Variants in AKNA observed in about 807,000 individuals in gnomAD.
AKNA encodes microtubule organization protein AKNA.
In AKNA, 67 loss-of-function variants were observed where a neutral mutation model predicts 138.8. That is an observed-to-expected ratio of 0.48 (90% confidence interval 0.40 to 0.59). AKNA has a LOEUF of 0.59. Ranked by LOEUF, AKNA falls within the 20% of genes least tolerant of loss-of-function variation. The probability of loss-of-function intolerance (pLI) is 0.00; values close to 1 mark genes in which losing one functional copy is unlikely to be tolerated. For missense variants in AKNA, 1,813 were observed against 1,880.4 expected (o/e 0.96, Z 0.66); for synonymous variants, 737 against 754.4 (o/e 0.98, Z 0.38).
chr9:114,362,572 T>C lies in AKNA; in HGVS notation c.1789-39A>G, dbSNP rs116612317. 3,762 of 1,602,078 alleles carry C rather than the reference T, an allele frequency of 2.3e-3. 67 individuals carry two copies. The African/African-American group carries it at 0.043, about 18-fold the overall frequency. Reference sequence around the variant, plus strand: ...AGGCCAGGAAGACTTGAGTGCTCAGTCCCCGCGGGGCCTGTCCCTGAAGAC... The same window carrying C: ...AGGCCAGGAAGACTTGAGTGCTCAGCCCCCGCGGGGCCTGTCCCTGAAGAC... On this transcript the variant is annotated intron_variant, in intron 7 of 21. Coordinates refer to ENST00000374088, the MANE Select transcript of AKNA (RefSeq NM_001317950.2).
chr9:114,347,809 G>T lies in AKNA; in HGVS notation c.3313C>A (p.Arg1105Ser). ...GGGCGGTCAAAGGCAGATGCTGGGCGTGTCGGGCTGCCCTGGAGTGGCTGG... is the reference window on the plus strand; with the variant it reads ...GGGCGGTCAAAGGCAGATGCTGGGCTTGTCGGGCTGCCCTGGAGTGGCTGG... ...LHQPLQGSPT[R>S]PASAFDRPAR... The change falls in exon 16 of 22, where the codon CGC becomes AGC. Residue 1105 changes from arginine (R) to serine (S), a missense_variant. Arg to Ser is a moderately radical substitution (Grantham distance 110). Transcript: ENST00000374088. 6.4e-7 allele frequency: 1 copy of T among 1,551,780 alleles called. No individual in the cohort carries two copies.
chr9:114,344,068 C>CAAA (rs1830527712), intron 18 of AKNA: 1 of 340,996 alleles, frequency 2.9e-6, no homozygotes, highest in Non-Finnish European at 5.4e-6. Context: ...TATTCTGTTT[C>CAAA]ATCTCAGATC....
At position 114,347,808 on chromosome 9, in the gene AKNA, C is replaced by A. The variant is rs62640860; in HGVS notation, c.3314G>T (p.Arg1105Leu). 6.4e-7 allele frequency: 1 copy of A among 1,551,518 alleles called. No homozygotes were observed. Among genetic ancestry groups the A allele is most frequent in the Non-Finnish European group, 8.7e-7 (1 of 1,147,364 alleles). The change falls in exon 16 of 22, where the codon CGC becomes CTC. Residue 1105 changes from arginine to leucine, a missense_variant. Transcript: ENST00000374088. ...LHQPLQGSPT[R>L]PASAFDRPAR... is the part of the protein sequence containing the mutation. ...GGGGCGGTCAAAGGCAGATGCTGGGCGTGTCGGGCTGCCCTGGAGTGGCTG... is the reference window on the plus strand; with the variant it reads ...GGGGCGGTCAAAGGCAGATGCTGGGAGTGTCGGGCTGCCCTGGAGTGGCTG...
chr9:114,346,153 T>A (rs987580193), intron 17 of AKNA, 144 bp from the exon 18 acceptor site: 7 of 846,370 alleles, frequency 8.3e-6, no homozygotes, highest in Non-Finnish European at 1.1e-5. Context: ...ACAGCTGGCA[T>A]TTCCAGAACC....
chr9:114,331,200 A>G (rs1431779927), downstream of AKNA, among the ~76,000 whole-genome samples: 1 of 152,046 alleles, frequency 6.6e-6, no homozygotes, highest in Non-Finnish European at 1.5e-5. Context: ...TATGTTGGAG[A>G]GGTGGTACCT....
chr9:114,332,717 C>G (rs1239369773), downstream of AKNA, among the ~76,000 whole-genome samples: 1 of 152,096 alleles, frequency 6.6e-6, no homozygotes, highest in African/African-American at 2.4e-5. Context: ...TAGGGAGCCT[C>G]GAATGGGTCC....
upstream of AKNA, among the ~76,000 whole-genome samples, chr9:114,390,974 A>G (rs957251182): frequency 1.3e-5 from 2 of 152,216 alleles, no homozygotes; most frequent in Non-Finnish European, 2.9e-5. Context: ...TCTCATCATC[A>G]TATCCCCAGG....
chr9:114,330,619 C>A (rs202228078), downstream of AKNA: 5,241 of 1,605,888 alleles, frequency 3.3e-3, 43 homozygotes, highest in Middle Eastern at 0.011. Context: ...CAGCTTCTGG[C>A]CAGAAGACCT....
chr9:114,378,580 G>A (rs941800539), intron 2 of AKNA, among the ~76,000 whole-genome samples: 1 of 152,186 alleles, frequency 6.6e-6, no homozygotes, highest in African/African-American at 2.4e-5. Flanking sequence ...GAGGAAGAGA[G>A]GGAAGGAAGG....
Position 114,367,255 on chromosome 9 carries a change from C to T in AKNA, c.1728+288G>A, listed in dbSNP as rs16928475. On this transcript the variant is annotated intron_variant, in intron 6 of 21. Transcript: ENST00000374088. ...AATCCTGAAAGAGCTCAGAGTTTCCCGGGAGCCAGCCTAGAGACACTTCCA... is the reference window on the plus strand; with the variant it reads ...AATCCTGAAAGAGCTCAGAGTTTCCTGGGAGCCAGCCTAGAGACACTTCCA... 6.7e-3 allele frequency among the ~76,000 whole-genome samples: 1,013 copies of T among 152,130 alleles called. 18 individuals carry two copies. Among genetic ancestry groups the T allele is most frequent in the African/African-American group, 0.023 (942 of 41,500 alleles).
chr9:114,368,543 A>T lies in AKNA; in HGVS notation c.1469T>A (p.Met490Lys), dbSNP rs1832541806. The change falls in exon 5 of 22, where the codon ATG (methionine) becomes AAG (lysine). Residue 490 changes from methionine (M) to lysine (K), a missense_variant. Met to Lys is a moderately conservative substitution (Grantham distance 95). Transcript: ENST00000374088. Reference protein sequence around the residue: ...PQPNHSIHTGMVPQGTKVLSF... With the variant: ...PQPNHSIHTGKVPQGTKVLSF... ...CAAGACCTTGGTCCCCTGGGGCACCATTCCCGTGTGGATGCTGTGGTTGGG... is the reference window on the plus strand; with the variant it reads ...CAAGACCTTGGTCCCCTGGGGCACCTTTCCCGTGTGGATGCTGTGGTTGGG... 4.3e-6 allele frequency: 6 copies of T among 1,390,816 alleles called. No homozygotes were observed. Among genetic ancestry groups the T allele is most frequent in the Non-Finnish European group, 5.6e-6 (6 of 1,065,628 alleles). The allele number at this position is 1,390,816 out of a possible 1,614,324, so 86.2% of individuals were successfully genotyped here.
chr9:114,387,032 C>A (rs1045800607), intron 1 of AKNA, among the ~76,000 whole-genome samples: 1 of 152,136 alleles, frequency 6.6e-6, no homozygotes, highest in Non-Finnish European at 1.5e-5. Context: ...TCTCACAAGA[C>A]CTCACAGCCA....
chr9:114,377,266 C>G lies in AKNA; in HGVS notation c.541G>C (p.Asp181His). The G allele has an allele frequency of 6.2e-7, 1 of 1,614,184 alleles. No individual in the cohort carries two copies. The highest frequency in any genetic ancestry group is 8.5e-7 in the Non-Finnish European group (1 of 1,180,024). The change falls in exon 3 of 22, where the codon GAC (aspartate) becomes CAC (histidine). Residue 181 changes from aspartate to histidine, a missense_variant. Physicochemically the swap from Asp to His is moderately conservative, Grantham distance 81. Transcript: ENST00000374088. ...ACCTCGGAATGTTCAGAAAGTTTGT[C>G]CCCACTGGCTTGTTCGCCAGAAGCC... is the stretch of plus-strand genomic sequence containing the variant. ...WVASGEQASG[D>H]KLSEHSEVNP...
chr9:114,340,411 C>A (rs1478295650), intron 21 of AKNA, among the ~76,000 whole-genome samples: 1 of 152,198 alleles, frequency 6.6e-6, no homozygotes, highest in Non-Finnish European at 1.5e-5. Context: ...CATGTTGAAC[C>A]CACTTTTACT....
intron 11 of AKNA, 196 bp from the exon 12 acceptor site, chr9:114,358,363 C>G (rs995046803): frequency 1.6e-6 from 1 of 634,690 alleles, no homozygotes; most frequent in African/African-American, 1.9e-5. Context: ...TCACTTTTCT[C>G]AACTATAAAA....
chr9:114,355,890 A>C, intron 14 of AKNA, 35 bp downstream of exon 14: 1 of 1,601,806 alleles, frequency 6.2e-7, no homozygotes, highest in South Asian at 1.1e-5. Flanking sequence ...TTTTCAACCC[A>C]TGCAGTTCTG....
intron 6 of AKNA, among the ~76,000 whole-genome samples, chr9:114,366,372 G>A (rs1832359116): frequency 6.6e-6 from 1 of 152,028 alleles, no homozygotes. Context: ...AGTGACAGAT[G>A]TCAGACACAG....
intron 20 of AKNA, 66 bp downstream of exon 20, chr9:114,341,939 CCAGG>C (rs1830383579): frequency 6.8e-7 from 1 of 1,464,356 alleles, no homozygotes; most frequent in African/African-American, 1.4e-5. Context: ...TTAAACTCAC[CCAGG>C]TCTAATAACC....
chr9:114,389,995 T>G (rs936938461), upstream of AKNA, among the ~76,000 whole-genome samples: 1 of 152,160 alleles, frequency 6.6e-6, no homozygotes, highest in African/African-American at 2.4e-5. Context: ...CTATCAGCTC[T>G]GGAGGCCATG....
Sources: gnomAD v4.1 joint callset for allele counts (sites outside exome capture counted in the v4.1 genomes callset) on GRCh38, gnomAD v4.1.1 for gene constraint, MANE v1.5 for transcripts, NCBI Gene and HGNC (gene_info 2026-07-23, HGNC 2026-07-21) for gene names.